DIP2C: variants seen among roughly 807,000 people sequenced by gnomAD.
DIP2C encodes the protein disco-interacting protein 2 homolog C.
Under a neutral mutation model 192.4 loss-of-function variants are expected in DIP2C, and 33 were observed. The ratio of observed to expected loss-of-function variants is 0.17; its 90% CI spans 0.13 to 0.23. DIP2C has a LOEUF of 0.23. Among genes scored for constraint, DIP2C ranks in the 10% least tolerant of loss-of-function variants. DIP2C has a pLI of 1.00. For synonymous variants in DIP2C, 979 were observed against 864.1 expected (o/e 1.13, Z -2.33); for missense variants, 1,537 against 2,110.1 (o/e 0.73, Z 5.32).
At chr10:406,994 A>G (rs898975014) in intron 9 of DIP2C, among the ~76,000 whole-genome samples, 1 of 152,052 alleles carries the variant, frequency 6.6e-6, no homozygotes, top group African/African-American at 2.4e-5. Context: ...CTGACCAATC[A>G]GCACTCCCCA....
intron 1 of DIP2C, among the ~76,000 whole-genome samples, chr10:505,552 C>T (rs1212506631): frequency 1.3e-5 from 2 of 152,006 alleles, no homozygotes; most frequent in African/African-American, 4.8e-5. Context: ...GATGGAGCTG[C>T]CTGCCCAGCG....
At chr10:341,103 T>A in intron 29 of DIP2C, 96 bp downstream of exon 29, 1 of 1,536,996 alleles carries the variant, frequency 6.5e-7, no homozygotes. Flanking sequence ...GGAGTGGGGG[T>A]GTGGGGGCAG....
chr10:521,445 C>T (rs1049623127), intron 1 of DIP2C, among the ~76,000 whole-genome samples: 6 of 152,174 alleles, frequency 3.9e-5, no homozygotes, highest in Admixed American at 1.3e-4. Context: ...CTGCCTGCCC[C>T]CAGGCACATG....
chr10:538,725 T>TA (rs1345071652), intron 1 of DIP2C, among the ~76,000 whole-genome samples: 2 of 152,230 alleles, frequency 1.3e-5, no homozygotes, highest in Non-Finnish European at 2.9e-5. Context: ...ATAAACATTC[T>TA]AAGGTTCTTA....
chr10:659,000 C>T (rs1033169638), intron 1 of DIP2C, among the ~76,000 whole-genome samples: 3 of 150,758 alleles, frequency 2.0e-5, no homozygotes, highest in Non-Finnish European at 4.4e-5. Context: ...ACATGCAATA[C>T]ACACATTCAC....
chr10:586,994 G>C (rs116290055), intron 1 of DIP2C, among the ~76,000 whole-genome samples: 1 of 151,930 alleles, frequency 6.6e-6, no homozygotes, highest in African/African-American at 2.4e-5. Context: ...CTGACAGCAT[G>C]GCGAGGTGCA....
At chr10:400,716 A>C (rs1359232156) in intron 9 of DIP2C, among the ~76,000 whole-genome samples, 4 of 151,274 alleles carry the variant, frequency 2.6e-5, no homozygotes, top group Non-Finnish European at 5.9e-5. Flanking sequence ...CTGTGATTTT[A>C]CACGTGTGGT....
chr10:572,546 T>C (rs61831054), intron 1 of DIP2C, among the ~76,000 whole-genome samples: 14,578 of 152,064 alleles, frequency 0.096, 960 homozygotes, highest in African/African-American at 0.17. Context: ...ATGAGAAAAA[T>C]AGTTTTCTAT....
intron 1 of DIP2C, among the ~76,000 whole-genome samples, chr10:603,786 G>GAAAGTCAGGAGTCCCAGGGCT (rs1852266505): frequency 6.6e-6 from 1 of 152,182 alleles, no homozygotes; most frequent in Admixed American, 6.5e-5. Flanking sequence ...TCACAGCCCT[G>GAAAGTCAGGAGTCCCAGGGCT]AAAGTCAGGA....
intron 1 of DIP2C, among the ~76,000 whole-genome samples, chr10:647,196 G>A (rs1047107728): frequency 6.6e-6 from 1 of 151,762 alleles, no homozygotes. Flanking sequence ...AGAACAGAGG[G>A]AAACTGAGTC....
intron 17 of DIP2C, chr10:369,843 A>C (rs1156285534): frequency 7.6e-7 from 1 of 1,323,448 alleles, no homozygotes; most frequent in Non-Finnish European, 1.0e-6. Flanking sequence ...CCGCCTCTAC[A>C]TTCCCAGGGA....
intron 1 of DIP2C, among the ~76,000 whole-genome samples, chr10:553,855 C>T (rs1848706852): frequency 6.7e-6 from 1 of 149,344 alleles, no homozygotes; most frequent in African/African-American, 2.5e-5. Flanking sequence ...AACGTATACG[C>T]TTGTAACTAA....
Position 413,968 on chromosome 10 carries a change from C to A in DIP2C, c.1002G>T (p.Ala334=), listed in dbSNP as rs143367556. Residue 334 remains alanine, a synonymous_variant, in exon 8 of 37, where the codon GCG becomes GCT. Coordinates refer to ENST00000280886, the MANE Select transcript of DIP2C (RefSeq NM_014974.3). ...TGGTGTCCATGGTGGTCAGGCAGGGCGCCTTGGGCGAGATGGTGCCCCACC... is the reference window on the plus strand; with the variant it reads ...TGGTGTCCATGGTGGTCAGGCAGGGAGCCTTGGGCGAGATGGTGCCCCACC... ...LQRWGTISPK[A]PCLTTMDTNG... The A allele has an allele frequency of 1.2e-6, 2 of 1,614,170 alleles. No individual in the cohort carries two copies. The highest frequency in any genetic ancestry group is 2.2e-5 in the South Asian group (2 of 91,088).
chr10:453,794 G>A (rs542354779), intron 3 of DIP2C, among the ~76,000 whole-genome samples: 175 of 152,336 alleles, frequency 1.1e-3, no homozygotes, highest in African/African-American at 2.5e-3. Context: ...AGGAGACCAC[G>A]CTGCCTGCAG....
intron 24 of DIP2C, 72 bp downstream of exon 24, chr10:356,354 C>G (rs757851629): frequency 5.3e-6 from 8 of 1,521,430 alleles, no homozygotes; most frequent in Admixed American, 3.3e-5. Flanking sequence ...AAGAAAGAAG[C>G]AGGAGCGCTC....
At chr10:559,762 G>A (rs1849099305) in intron 1 of DIP2C, among the ~76,000 whole-genome samples, 1 of 152,196 alleles carries the variant, frequency 6.6e-6, no homozygotes, top group African/African-American at 2.4e-5. Context: ...CCCCAGAGGA[G>A]GAAGCCCAGC....
chr10:534,092 G>GCC (rs1045013812), intron 1 of DIP2C, among the ~76,000 whole-genome samples: 18 of 151,982 alleles, frequency 1.2e-4, no homozygotes, highest in Non-Finnish European at 2.6e-4. Flanking sequence ...GGGACGAGGA[G>GCC]CCCCTCCTGC....
At position 306,568 on chromosome 10, in the gene DIP2C, C is replaced by A. The variant is rs781405341; in HGVS notation, c.3986+3463G>T. ...ACAGTAATTAATCCTGTGACAGAGC[C>A]TAATGCAGATCAAGTGAGAAAACCA... On this transcript the variant is annotated intron_variant, in intron 32 of 36. Transcript: ENST00000280886. 1.0e-3 allele frequency among the ~76,000 whole-genome samples: 156 copies of A among 152,316 alleles called. 1 individual carries two copies. The highest frequency in any genetic ancestry group is 4.4e-4 in the Non-Finnish European group (30 of 68,028).
chr10:556,485 G>A (rs996417480), intron 1 of DIP2C, among the ~76,000 whole-genome samples: 7 of 149,088 alleles, frequency 4.7e-5, no homozygotes, highest in African/African-American at 7.5e-5. Context: ...CCCTGGCAGC[G>A]GCCACCTGAC....
Sources: gnomAD v4.1 joint callset for allele counts (sites outside exome capture counted in the v4.1 genomes callset) on GRCh38, gnomAD v4.1.1 for gene constraint, MANE v1.5 for transcripts, NCBI Gene and HGNC (gene_info 2026-07-23, HGNC 2026-07-21) for gene names.